The following TUT7 variants were observed in gnomAD, a reference collection of about 807,000 sequenced individuals.
The protein encoded by TUT7 is terminal uridylyl transferase 7.
Under a neutral mutation model 165.9 loss-of-function variants are expected in TUT7, and 33 were observed. That is an observed-to-expected ratio of 0.20 (90% CI 0.15 to 0.27). TUT7 has a LOEUF of 0.27. Among genes scored for constraint, TUT7 ranks in the 10% least tolerant of loss-of-function variants. TUT7 has a pLI of 1.00. For synonymous variants in TUT7, 552 were observed against 608.1 expected (o/e 0.91, Z 1.36); for missense variants, 1,338 against 1,762.3 (o/e 0.76, Z 4.31).
Position 86,288,562 on chromosome 9 carries a change from C to A in TUT7, c.*115G>T. On this transcript the variant is annotated 3_prime_UTR_variant, in exon 27 of 27. Coordinates refer to ENST00000375963, the MANE Select transcript of TUT7 (RefSeq NM_024617.4). ...AATTAAAAAAAAATCTGACATTTCCCTTAAATGTTAAGTTGAAGCCTGATC... is the reference window on the plus strand; with the variant it reads ...AATTAAAAAAAAATCTGACATTTCCATTAAATGTTAAGTTGAAGCCTGATC... The A allele has an allele frequency of 1.5e-6, 1 of 658,608 alleles. No homozygotes were observed. The highest frequency in any genetic ancestry group is 2.3e-6 in the Non-Finnish European group (1 of 427,016). 40.8% of individuals were successfully genotyped at this position (658,608 alleles called of 1,614,324 possible). A position where few individuals can be genotyped will look rare whatever the true frequency, so the allele number is the denominator to read the frequency against.
At position 86,317,094 on chromosome 9, in the gene TUT7, G is replaced by T. The variant is rs977641400; in HGVS notation, c.3274+125C>A. ...ATCTAAGGATTTTTTTTATCTGCTG[G>T]GGAAGGGAGGGTTGAGGGGTGATGG... On this transcript the variant is annotated intron_variant, in intron 17 of 26. Coordinates refer to ENST00000375963, the MANE Select transcript of TUT7 (RefSeq NM_024617.4). 1.1e-4 allele frequency: 82 copies of T among 732,042 alleles called. No homozygotes were observed. The African/African-American group carries it at 1.3e-3, about 12-fold the overall frequency. 45.3% of individuals were successfully genotyped at this position (732,042 alleles called of 1,614,324 possible). A position where few individuals can be genotyped will look rare whatever the true frequency, so the allele number is the denominator to read the frequency against.
chr9:86,320,277 CTTG>C lies in TUT7; in HGVS notation c.3029-610_3029-608del, dbSNP rs1221013172. 3.7e-5 allele frequency among the ~76,000 whole-genome samples: 5 copies of C among 134,470 alleles called. No individual in the cohort carries two copies. In the East Asian group the frequency reaches 1.0e-3, roughly 28 times the overall value. The allele number at this position is 134,470 out of a possible 152,430, so 88.2% of individuals were successfully genotyped here. On this transcript the variant is annotated intron_variant, in intron 14 of 26. Coordinates refer to ENST00000375963, the MANE Select transcript of TUT7 (RefSeq NM_024617.4). The stretch of plus-strand genomic sequence containing the variant: ...TTTCCCAAAAAAAAAAAAAAAAGGA[CTTG>C]TTAAGAACACGTGTCTTCTGACACG...
At chr9:86,288,783 A>T in intron 26 of TUT7, 39 bp from the exon 27 acceptor site, 1 of 1,534,670 alleles carries the variant, frequency 6.5e-7, no homozygotes, top group Non-Finnish European at 9.0e-7. Flanking sequence ...TATAAATGAA[A>T]CAAGCCTCGC....
intron 7 of TUT7, 76 bp from the exon 8 acceptor site, chr9:86,340,181 G>C: frequency 1.6e-6 from 2 of 1,219,720 alleles, no homozygotes; most frequent in East Asian, 2.3e-5. Flanking sequence ...TAAAGTACAA[G>C]TACCAGTTGT....
At position 86,301,526 on chromosome 9, in the gene TUT7, C is replaced by T. The variant is rs1295858983; in HGVS notation, c.4170G>A (p.Glu1390=). 1 of 1,613,822 alleles carries T rather than the reference C, an allele frequency of 6.2e-7. No individual in the cohort carries two copies. Among genetic ancestry groups the T allele is most frequent in the Non-Finnish European group, 8.5e-7 (1 of 1,180,006 alleles). Reference sequence around the variant, plus strand: ...TGTACTTGTTGTGAATTTCTTTGTCCTCTTTGCTTCTTTTTTCCTTGTTCT... The same window carrying T: ...TGTACTTGTTGTGAATTTCTTTGTCTTCTTTGCTTCTTTTTTCCTTGTTCT... ...YPENKEKRSK[E]DKEIHNKYTE... Residue 1390 remains glutamate, a synonymous_variant, in exon 26 of 27, where the codon GAG becomes GAA. Coordinates refer to ENST00000375963, the MANE Select transcript of TUT7 (RefSeq NM_024617.4).
intron 14 of TUT7, 54 bp downstream of exon 14, chr9:86,322,271 G>A: frequency 7.8e-6 from 12 of 1,534,366 alleles, no homozygotes; most frequent in Middle Eastern, 1.7e-4. Context: ...CTAAAGACTC[G>A]AGTAAATGTC....
intron 4 of TUT7, 86 bp downstream of exon 4, chr9:86,345,583 T>C: frequency 2.1e-6 from 2 of 935,406 alleles, no homozygotes; most frequent in Non-Finnish European, 3.4e-6. Context: ...ATCAATATCA[T>C]AGCCTTAAGG....
chr9:86,306,339 C>G (rs961599955), intron 22 of TUT7, among the ~76,000 whole-genome samples: 5 of 152,132 alleles, frequency 3.3e-5, no homozygotes, highest in African/African-American at 1.2e-4. Flanking sequence ...ATCAGTTTAT[C>G]GAAGTATAGG....
In TUT7 at chr9:86,337,552, A is replaced by G. The variant is rs530956883; in HGVS notation, c.1336-14T>C. 2.5e-6 allele frequency: 4 copies of G among 1,587,328 alleles called. No homozygotes were observed. Among genetic ancestry groups the G allele is most frequent in the Non-Finnish European group, 3.4e-6 (4 of 1,171,638 alleles). ...TATACTGCAAAGCTACAAACAAGAG[A>G]AAAGAAAGTTAAGCATTCTTTTTGT... is the stretch of plus-strand genomic sequence containing the variant. On this transcript the variant is annotated splice_polypyrimidine_tract_variant and intron_variant, in intron 9 of 26. Coordinates refer to ENST00000375963, the MANE Select transcript of TUT7 (RefSeq NM_024617.4).
chr9:86,318,266 G>C (rs1425574758), intron 16 of TUT7, among the ~76,000 whole-genome samples: 2 of 152,100 alleles, frequency 1.3e-5, no homozygotes, highest in African/African-American at 4.8e-5. Context: ...AGTTTGTTTT[G>C]CTTTGCACGC....
chr9:86,307,963 C>T (rs1472375044), intron 22 of TUT7, among the ~76,000 whole-genome samples: 2 of 152,116 alleles, frequency 1.3e-5, no homozygotes, highest in African/African-American at 4.8e-5. Flanking sequence ...TACTGCACTC[C>T]AGCCTGGGCA....
intron 26 of TUT7, among the ~76,000 whole-genome samples, chr9:86,297,559 G>A (rs182680200): frequency 2.0e-5 from 3 of 151,692 alleles, no homozygotes; most frequent in East Asian, 1.9e-4. Flanking sequence ...CAGGTGTGGC[G>A]GCTCATATCT....
chr9:86,334,982 G>A (rs995164843), intron 10 of TUT7, among the ~76,000 whole-genome samples: 1 of 152,126 alleles, frequency 6.6e-6, no homozygotes, highest in Non-Finnish European at 1.5e-5. Flanking sequence ...GGTTTTTGAT[G>A]CTGTTGTTTC....
At position 86,323,004 on chromosome 9, in the gene TUT7, C is replaced by G; in HGVS notation, c.2746G>C (p.Glu916Gln). 1 of 1,614,104 alleles carries G rather than the reference C, an allele frequency of 6.2e-7. No individual in the cohort carries two copies. Among genetic ancestry groups the G allele is most frequent in the Non-Finnish European group, 8.5e-7 (1 of 1,180,002 alleles). The change falls in exon 13 of 27, where the codon GAA becomes CAA. Residue 916 changes from glutamate (E) to glutamine (Q), a missense_variant. Coordinates refer to ENST00000375963, the MANE Select transcript of TUT7 (RefSeq NM_024617.4). ...EDVKECGKHV[E>Q]RALLVELNKI... ...TTAAGTTCCACTAGGAGAGCTCTTTCTACATGTTTTCCACATTCTTTCACG... is the reference window on the plus strand; with the variant it reads ...TTAAGTTCCACTAGGAGAGCTCTTTGTACATGTTTTCCACATTCTTTCACG...
At chr9:86,312,265 C>T (rs1828193222) in intron 17 of TUT7, among the ~76,000 whole-genome samples, 1 of 151,384 alleles carries the variant, frequency 6.6e-6, no homozygotes, top group Middle Eastern at 3.4e-3. Context: ...AGCGCCTCTG[C>T]TCTGCCGCCC....
chr9:86,345,253 G>T, intron 4 of TUT7, 99 bp from the exon 5 acceptor site: 1 of 1,137,234 alleles, frequency 8.8e-7, no homozygotes, highest in Non-Finnish European at 1.2e-6. Flanking sequence ...CTTTTTCTTA[G>T]CCCTCCCTTC....
intron 17 of TUT7, among the ~76,000 whole-genome samples, chr9:86,314,781 A>G (rs960415243): frequency 1.3e-5 from 2 of 152,210 alleles, no homozygotes; most frequent in Admixed American, 1.3e-4. Flanking sequence ...GTGCTTCCAA[A>G]TATCTATAGA....
In TUT7 at chr9:86,343,090, G is replaced by T; in HGVS notation, c.1071C>A (p.Ile357=). 6.2e-7 allele frequency: 1 copy of T among 1,602,822 alleles called. No individual in the cohort carries two copies. Among genetic ancestry groups the T allele is most frequent in the Non-Finnish European group, 8.5e-7 (1 of 1,174,270 alleles). Residue 357 remains isoleucine (I), a synonymous_variant, in exon 6 of 27, where the codon ATC becomes ATA. Transcript: ENST00000375963. ...GFKNSDVNID[I]QFPAIMSQPD... is the part of the protein sequence containing the mutation. ...TTGTACTTACAATGGCTGGAAACTG[G>T]ATGTCAATGTTTACATCCGAATTTT...
chr9:86,291,668 GA>G (rs1465383383), intron 26 of TUT7, among the ~76,000 whole-genome samples: 1 of 151,162 alleles, frequency 6.6e-6, no homozygotes, highest in African/African-American at 2.4e-5. Flanking sequence ...TCATCCATCA[GA>G]CTTGCAAAAA....
Sources: gnomAD v4.1 joint callset for allele counts (sites outside exome capture counted in the v4.1 genomes callset) on GRCh38, gnomAD v4.1.1 for gene constraint, MANE v1.5 for transcripts, NCBI Gene and HGNC (gene_info 2026-07-23, HGNC 2026-07-21) for gene names.